Variants in CCAR1 observed in about 807,000 individuals in gnomAD.
CCAR1 encodes the protein cell division cycle and apoptosis regulator 1.
Under a neutral mutation model 163.8 loss-of-function variants are expected in CCAR1, and 78 were observed. The observed-to-expected ratio is 0.48, with a 90% CI of 0.40 to 0.57. The LOEUF (loss-of-function observed/expected upper bound fraction) is 0.57, where lower values mean the gene tolerates loss of function less well. Ranked by LOEUF, CCAR1 falls within the 20% of genes least tolerant of loss-of-function variation. CCAR1 has a pLI of 0.00. For synonymous variants in CCAR1, 443 were observed against 460.7 expected (o/e 0.96, Z 0.49); for missense variants, 1,019 against 1,365.2 (o/e 0.75, Z 4.00).
intron 6 of CCAR1, among the ~76,000 whole-genome samples, chr10:68,743,703 C>A (rs575025829): frequency 6.7e-6 from 1 of 150,196 alleles, no homozygotes; most frequent in African/African-American, 2.5e-5. Flanking sequence ...CCACCACACC[C>A]GGCTAATTTT....
chr10:68,752,808 A>G (rs1040763261), intron 10 of CCAR1, among the ~76,000 whole-genome samples: 1 of 152,154 alleles, frequency 6.6e-6, no homozygotes. Context: ...AATTCAGGTT[A>G]TAGCAAGCTG....
chr10:68,725,513 AT>A (rs1217637358), intron 2 of CCAR1, among the ~76,000 whole-genome samples: 1 of 151,184 alleles, frequency 6.6e-6, no homozygotes, highest in Non-Finnish European at 1.5e-5. Flanking sequence ...TTTTTTGGTC[AT>A]TTTTTGACTT....
At chr10:68,772,483 A>C (rs1379523719) in intron 18 of CCAR1, among the ~76,000 whole-genome samples, 3 of 151,508 alleles carry the variant, frequency 2.0e-5, no homozygotes, top group Non-Finnish European at 4.4e-5. Context: ...ACTGTGTCTC[A>C]AAAAAAACAA....
At chr10:68,752,917 TAGA>T (rs2056351566) in intron 10 of CCAR1, among the ~76,000 whole-genome samples, 3 of 151,796 alleles carry the variant, frequency 2.0e-5, no homozygotes, top group African/African-American at 7.3e-5. Flanking sequence ...GATAGATAGA[TAGA>T]TAGATAGATA....
Position 68,777,837 on chromosome 10 carries a change from T to A in CCAR1, c.2650+4738T>A, listed in dbSNP as rs187619536. 7.2e-5 allele frequency among the ~76,000 whole-genome samples: 11 copies of A among 151,980 alleles called. No individual in the cohort carries two copies. In the East Asian group the frequency reaches 2.1e-3, roughly 29 times the overall value. On this transcript the variant is annotated intron_variant, in intron 19 of 24. Coordinates refer to ENST00000265872, the MANE Select transcript of CCAR1 (RefSeq NM_018237.4). ...ATCCCAGCTACTCAGGAGTCTGAGCTGGTAGGATCACTTGAGCCCGGGAGG... is the reference window on the plus strand; with the variant it reads ...ATCCCAGCTACTCAGGAGTCTGAGCAGGTAGGATCACTTGAGCCCGGGAGG...
chr10:68,780,172 A>G lies in CCAR1; in HGVS notation c.2651-5964A>G, dbSNP rs114472640. On this transcript the variant is annotated intron_variant, in intron 19 of 24. Transcript: ENST00000265872. ...TATTTTTCAATCATCAAAAATAAGTAAATGACTAGGTTCCAAGGAGAAGTT... is the reference window on the plus strand; with the variant it reads ...TATTTTTCAATCATCAAAAATAAGTGAATGACTAGGTTCCAAGGAGAAGTT... Among the ~76,000 whole-genome samples the G allele has an allele frequency of 6.1e-3, 926 of 152,354 alleles. 7 individuals are homozygous for G. Among genetic ancestry groups the G allele is most frequent in the African/African-American group, 0.021 (884 of 41,590 alleles).
chr10:68,782,568 T>C (rs934037874), intron 19 of CCAR1, among the ~76,000 whole-genome samples: 8 of 152,220 alleles, frequency 5.3e-5, no homozygotes, highest in Admixed American at 5.2e-4. Context: ...CTTTCACAGC[T>C]AGAGAAGAGC....
At chr10:68,759,799 A>G (rs2056445783) in intron 15 of CCAR1, among the ~76,000 whole-genome samples, 1 of 152,114 alleles carries the variant, frequency 6.6e-6, no homozygotes, top group Non-Finnish European at 1.5e-5. Flanking sequence ...TATCCATGTA[A>G]TTATTTTTAA....
At chr10:68,786,824 C>T (rs2056800536) in intron 21 of CCAR1, 132 bp downstream of exon 21, 4 of 692,880 alleles carry the variant, frequency 5.8e-6, no homozygotes, top group South Asian at 2.0e-5. Context: ...GTGGCTCACA[C>T]CTATAATCCC....
intron 2 of CCAR1, among the ~76,000 whole-genome samples, chr10:68,728,917 A>G (rs924926608): frequency 6.6e-6 from 1 of 150,656 alleles, no homozygotes; most frequent in South Asian, 2.1e-4. Flanking sequence ...GTGCCATTGC[A>G]CTCCAACCTG....
chr10:68,785,309 A>G (rs185047005), intron 19 of CCAR1, among the ~76,000 whole-genome samples: 250 of 150,524 alleles, frequency 1.7e-3, no homozygotes, highest in Non-Finnish European at 3.0e-3. Flanking sequence ...AAGCTTCACC[A>G]TCCCAGGCTC....
At chr10:68,778,531 C>CTA (rs1554823069) in intron 19 of CCAR1, among the ~76,000 whole-genome samples, 31 of 34,412 alleles carry the variant, frequency 9.0e-4, no homozygotes, top group African/African-American at 1.2e-3. Context: ...TTATCCTCTC[C>CTA]TTTTTTTTTT....
At chr10:68,749,307 T>C (rs545885685) in intron 9 of CCAR1, 42 bp downstream of exon 9, 13 of 1,551,554 alleles carry the variant, frequency 8.4e-6, no homozygotes, top group Non-Finnish European at 1.1e-5. Context: ...GCAATGGTTG[T>C]ACAACAATGG....
chr10:68,750,537 A>T (rs759215569), intron 10 of CCAR1, among the ~76,000 whole-genome samples: 1 of 152,168 alleles, frequency 6.6e-6, no homozygotes, highest in South Asian at 2.1e-4. Flanking sequence ...GTTGCCAGGA[A>T]TTTCTGAGGT....
At chr10:68,737,932 C>T in intron 4 of CCAR1, 43 bp downstream of exon 4, 1 of 1,272,388 alleles carries the variant, frequency 7.9e-7, no homozygotes, top group Non-Finnish European at 1.1e-6. Context: ...TTTAAAATAG[C>T]CATTTGCTCC....
chr10:68,726,456 C>T (rs188102318), intron 2 of CCAR1, among the ~76,000 whole-genome samples: 165 of 152,202 alleles, frequency 1.1e-3, no homozygotes, highest in Non-Finnish European at 1.8e-3. Flanking sequence ...TGGCTCTTGA[C>T]ATGCTTAAAC....
At chr10:68,777,366 T>C (rs2056679417) in intron 19 of CCAR1, among the ~76,000 whole-genome samples, 1 of 152,148 alleles carries the variant, frequency 6.6e-6, no homozygotes, top group Admixed American at 6.6e-5. Flanking sequence ...TGTATCCCCA[T>C]CATTTTTACT....
chr10:68,773,060 G>T lies in CCAR1; in HGVS notation c.2611G>T (p.Asp871Tyr). The T allele has an allele frequency of 6.4e-7, 1 of 1,565,070 alleles. No individual in the cohort carries two copies. The highest frequency in any genetic ancestry group is 1.2e-5 in the South Asian group (1 of 83,636). The change falls in exon 19 of 25, where the codon GAC becomes TAC. Residue 871 changes from aspartate (D) to tyrosine (Y), a missense_variant. Asp to Tyr is a radical substitution (Grantham distance 160, BLOSUM62 -3). Around this residue, in one of 4 missense-constraint regions of CCAR1, gnomAD observed 358 missense variants for 406.4 expected, o/e 0.88. Transcript: ENST00000265872. ...AGAAGATAACAATCAAGATGAATAT[G>T]ACCCTATGGAAGCAGAAGAAGCTGA... The part of the protein sequence containing the change: ...TEEDNNQDEY[D>Y]PMEAEEAEDE...
Position 68,747,504 on chromosome 10 carries a change from C to G in CCAR1, c.764C>G (p.Ala255Gly). 1 of 1,614,174 alleles carries G rather than the reference C, an allele frequency of 6.2e-7. No homozygotes were observed. The highest frequency in any genetic ancestry group is 8.5e-7 in the Non-Finnish European group (1 of 1,180,020). The change falls in exon 8 of 25, where the codon GCT becomes GGT. Residue 255 changes from alanine to glycine, a missense_variant. By Grantham distance (60) the Ala-to-Gly change is moderately conservative. Around this residue, in one of 4 missense-constraint regions of CCAR1, gnomAD observed 644 missense variants for 904.4 expected, o/e 0.71. Transcript: ENST00000265872. The part of the protein sequence containing the change: ...QSLLQAQISA[A>G]SITPLLQTQP... ...CTGCTGCAGGCACAGATTTCAGCAGCTTCTATTACACCACTATTGCAGACT... is the reference window on the plus strand; with the variant it reads ...CTGCTGCAGGCACAGATTTCAGCAGGTTCTATTACACCACTATTGCAGACT...
Sources: gnomAD v4.1 joint callset for allele counts (sites outside exome capture counted in the v4.1 genomes callset) on GRCh38, gnomAD v4.1.1 for gene constraint, gnomAD v4.1.1 regional missense constraint, MANE v1.5 for transcripts, NCBI Gene and HGNC (gene_info 2026-07-23, HGNC 2026-07-21) for gene names.